The following OARD1 variants were observed in gnomAD, a reference collection of about 807,000 sequenced individuals.
OARD1 encodes O-acyl-ADP-ribose deacylase 1.
OARD1 carries 19 observed loss-of-function variants against 19.7 expected under a neutral mutation model. The observed-to-expected ratio is 0.96, with a 90% CI of 0.67 to 1.41. The LOEUF (loss-of-function observed/expected upper bound fraction) is 1.41. Ranked by LOEUF, OARD1 falls within the 40% of genes most tolerant of loss-of-function variation. The pLI is 0.00. For synonymous variants in OARD1, 70 were observed against 61.8 expected (o/e 1.13, Z -0.62); for missense variants, 190 against 183.8 (o/e 1.03, Z -0.20).
intron 3 of OARD1, among the ~76,000 whole-genome samples, chr6:41,070,499 A>G: frequency 6.6e-6 from 1 of 152,354 alleles, no homozygotes; most frequent in Admixed American, 6.5e-5. Context: ...TTATCTTTTT[A>G]CATACAAAGA....
intron 1 of OARD1, chr6:41,089,749 T>C: frequency 6.3e-7 from 1 of 1,598,784 alleles, no homozygotes; most frequent in Non-Finnish European, 8.5e-7. Flanking sequence ...GCAAAACTGA[T>C]TTGGAAGAGT....
intron 1 of OARD1, among the ~76,000 whole-genome samples, chr6:41,096,143 C>T (rs926284571): frequency 6.6e-6 from 1 of 152,140 alleles, no homozygotes; most frequent in Non-Finnish European, 1.5e-5. Context: ...TAATAGTTCT[C>T]ATTTCTTAAC....
intron 1 of OARD1, among the ~76,000 whole-genome samples, chr6:41,087,422 G>A (rs1764077602): frequency 6.6e-6 from 1 of 152,054 alleles, no homozygotes; most frequent in Non-Finnish European, 1.5e-5. Flanking sequence ...AAGGTTCTAG[G>A]CATGTTCTTC....
intron 1 of OARD1, among the ~76,000 whole-genome samples, chr6:41,088,092 A>G (rs1561853773): frequency 6.6e-6 from 1 of 152,190 alleles, no homozygotes; most frequent in Non-Finnish European, 1.5e-5. Flanking sequence ...CTATTACCAT[A>G]TAACAAATTA....
intron 1 of OARD1, chr6:41,080,740 A>T: frequency 7.9e-7 from 1 of 1,264,414 alleles, no homozygotes; most frequent in East Asian, 2.4e-5. Context: ...CCAAGAGGTA[A>T]GGTGATCTGT....
chr6:41,090,211 A>C lies in OARD1; in HGVS notation c.-42+7502T>G, dbSNP rs143219175. ...ATTACTTATTTCCTCCAGACACAGCAGCAGATTGCTGTCCAGGGACAGCAA... is the reference window on the plus strand; with the variant it reads ...ATTACTTATTTCCTCCAGACACAGCCGCAGATTGCTGTCCAGGGACAGCAA... On this transcript the variant is annotated intron_variant, in intron 1 of 4. Coordinates refer to the OARD1 transcript ENST00000480585. 8.1e-5 allele frequency: 131 copies of C among 1,610,076 alleles called. 1 individual carries two copies. In the African/African-American group the frequency reaches 1.3e-3, roughly 16 times the overall value.
chr6:41,095,839 T>C (rs776007681), intron 1 of OARD1, among the ~76,000 whole-genome samples: 3 of 152,246 alleles, frequency 2.0e-5, no homozygotes, highest in African/African-American at 4.8e-5. Flanking sequence ...TTCTCTGTTA[T>C]ATTTATTGGA....
chr6:41,069,967 G>T, intron 4 of OARD1, 109 bp downstream of exon 4: 1 of 794,718 alleles, frequency 1.3e-6, no homozygotes, highest in Non-Finnish European at 2.3e-6. Context: ...TAGTTGTCTA[G>T]AATAGAACAT....
intron 4 of OARD1, chr6:41,069,194 GGAA>G (rs1763191104): frequency 6.1e-6 from 2 of 326,516 alleles, no homozygotes; most frequent in Non-Finnish European, 1.1e-5. Flanking sequence ...CCTTTTCCTA[GGAA>G]ACCCATGAGA....
intron 1 of OARD1, chr6:41,097,325 G>T: frequency 6.2e-7 from 1 of 1,611,846 alleles, no homozygotes; most frequent in South Asian, 1.1e-5. Flanking sequence ...TTTTGCAAAG[G>T]ACTTTAATCA....
intron 1 of OARD1, among the ~76,000 whole-genome samples, chr6:41,091,926 GATAA>G (rs1439864295): frequency 6.6e-6 from 1 of 152,190 alleles, no homozygotes; most frequent in African/African-American, 2.4e-5. Flanking sequence ...TAAAGCAATG[GATAA>G]ATAGTGATTT....
upstream of OARD1, chr6:41,072,463 G>T (rs981367496): frequency 6.6e-6 from 1 of 152,252 alleles, no homozygotes; most frequent in Non-Finnish European, 1.5e-5. Context: ...TTAATTGCAC[G>T]CATCTAAGAT....
chr6:41,095,958 C>T (rs1266910016), intron 1 of OARD1, among the ~76,000 whole-genome samples: 1 of 152,128 alleles, frequency 6.6e-6, no homozygotes, highest in Non-Finnish European at 1.5e-5. Context: ...TTAATAGATT[C>T]CTCCCATTTG....
chr6:41,073,480 G>T (rs1039801476), upstream of OARD1, among the ~76,000 whole-genome samples: 3 of 152,002 alleles, frequency 2.0e-5, no homozygotes, highest in Non-Finnish European at 4.4e-5. Context: ...TTTCCTCCTG[G>T]TCGTTCTGGC....
chr6:41,090,751 A>G (rs9471475), intron 1 of OARD1, among the ~76,000 whole-genome samples: 33,714 of 152,130 alleles, frequency 0.22, 5,409 homozygotes, highest in African/African-American at 0.45. Flanking sequence ...TCTAGTAAGA[A>G]AGACGTGAAC....
intron 1 of OARD1, among the ~76,000 whole-genome samples, chr6:41,085,578 T>G (rs1200301945): frequency 6.6e-6 from 1 of 152,208 alleles, no homozygotes; most frequent in Admixed American, 6.5e-5. Flanking sequence ...TTATATTGTT[T>G]CAACAGTTAC....
At chr6:41,088,013 T>G (rs1285871464) in intron 1 of OARD1, among the ~76,000 whole-genome samples, 1 of 152,220 alleles carries the variant, frequency 6.6e-6, no homozygotes, top group Non-Finnish European at 1.5e-5. Flanking sequence ...CAAACATTAA[T>G]GACAGTAGTG....
chr6:41,097,009 C>T (rs1390980143), intron 1 of OARD1, among the ~76,000 whole-genome samples: 1 of 152,176 alleles, frequency 6.6e-6, no homozygotes, highest in East Asian at 1.9e-4. Flanking sequence ...TACAGCATGA[C>T]ATGGTTTCTC....
intron 1 of OARD1, chr6:41,089,707 T>A: frequency 6.2e-7 from 1 of 1,611,280 alleles, no homozygotes; most frequent in Non-Finnish European, 8.5e-7. Flanking sequence ...CTGGCCAGAC[T>A]CAGGTAATTC....
Sources: gnomAD v4.1 joint callset for allele counts (sites outside exome capture counted in the v4.1 genomes callset) on GRCh38, gnomAD v4.1.1 for gene constraint, MANE v1.5 for transcripts, NCBI Gene and HGNC (gene_info 2026-07-23, HGNC 2026-07-21) for gene names.